CTBS: variants seen among roughly 807,000 people sequenced by gnomAD.
The protein encoded by CTBS is chitobiase.
Under a neutral mutation model 44.3 loss-of-function variants are expected in CTBS, and 35 were observed. The observed-to-expected ratio is 0.79, with a 90% CI of 0.60 to 1.05. The LOEUF (loss-of-function observed/expected upper bound fraction) is 1.05, where lower values mean the gene tolerates loss of function less well. CTBS is among the 50% of genes least tolerant of loss of function. CTBS has a pLI of 0.00. For missense variants in CTBS, 458 were observed against 475.3 expected, an observed-to-expected ratio of 0.96 and a Z score of 0.34; for synonymous variants, 143 against 168.0, an observed-to-expected ratio of 0.85 and a Z score of 1.15.
intron 6 of CTBS, among the ~76,000 whole-genome samples, chr1:84,561,636 C>T (rs768217690): frequency 6.6e-5 from 10 of 152,102 alleles, no homozygotes; most frequent in East Asian, 1.9e-4. Context: ...AGTCAATTGA[C>T]GTGGCAAACT....
intron 6 of CTBS, among the ~76,000 whole-genome samples, chr1:84,560,041 G>A (rs1407716118): frequency 3.5e-5 from 5 of 143,138 alleles, no homozygotes; most frequent in African/African-American, 8.0e-5. Context: ...CCCAGAGGGC[G>A]CCACTGCACT....
intron 1 of CTBS, 179 bp downstream of exon 1, chr1:84,574,060 C>T: frequency 2.1e-6 from 3 of 1,442,732 alleles, no homozygotes; most frequent in Non-Finnish European, 2.7e-6. Flanking sequence ...AGTTACTCAA[C>T]TTCTCTGAGC....
chr1:84,550,376 TTAAAAA>T lies in CTBS; in HGVS notation c.*4617_*4622del, dbSNP rs1684233957. On this transcript the variant is annotated 3_prime_UTR_variant, in exon 7 of 7. Coordinates refer to ENST00000370630, the MANE Select transcript of CTBS (RefSeq NM_004388.3). ...TTCATAGTTTATGTTCACAAGGCAG[TTAAAAA>T]TAAAAATGTTTATATGTTATACTAA... 9.3e-6 allele frequency: 8 copies of T among 857,206 alleles called. No individual in the cohort carries two copies. Among genetic ancestry groups the T allele is most frequent in the Non-Finnish European group, 1.3e-5 (8 of 599,094 alleles). 53.1% of individuals were successfully genotyped at this position (857,206 alleles called of 1,614,324 possible). A position where few individuals can be genotyped will look rare whatever the true frequency, so the allele number is the denominator to read the frequency against.
intron 6 of CTBS, among the ~76,000 whole-genome samples, chr1:84,559,993 A>G (rs1684555703): frequency 6.6e-6 from 1 of 150,730 alleles, no homozygotes; most frequent in South Asian, 2.1e-4. Context: ...GCTGAGGAGT[A>G]GAATTGCTTG....
intron 2 of CTBS, 114 bp from the exon 3 acceptor site, chr1:84,570,253 G>A (rs1647265782): frequency 1.2e-6 from 1 of 807,922 alleles, no homozygotes; most frequent in East Asian, 2.7e-5. Flanking sequence ...CAAAGTAACA[G>A]AAAGCCATTA....
intron 6 of CTBS, among the ~76,000 whole-genome samples, chr1:84,557,533 CAAAAAAAAAAAAAA>C (rs56101174): frequency 1.8e-5 from 1 of 55,438 alleles, no homozygotes; most frequent in East Asian, 6.9e-4. Context: ...AACTCCATCT[CAAAAAAAAAAAAAA>C]AAAAAAGAAA....
Position 84,565,957 on chromosome 1 carries a change from TA to T in CTBS, c.580del (p.Tyr194IlefsTer13). The T allele has an allele frequency of 6.3e-7, 1 of 1,596,738 alleles. No homozygotes were observed. The highest frequency in any genetic ancestry group is 8.5e-7 in the Non-Finnish European group (1 of 1,172,382). On this transcript the variant is annotated frameshift_variant, in exon 4 of 7. Coordinates refer to ENST00000370630, the MANE Select transcript of CTBS (RefSeq NM_004388.3). LOFTEE classifies it high-confidence loss of function. ...GTCACAAGCATCTGCGATTCCAGTA[TA>T]ATTATAGCATCTTCTGTCTATGTTC... ...PKNIDRRCYN[Y>X]TGIADACDFL... is the part of the protein sequence containing the mutation.
intron 1 of CTBS, 148 bp downstream of exon 1, chr1:84,574,076 CTTCCTCATCTATAAA>C: frequency 6.9e-7 from 1 of 1,449,508 alleles, no homozygotes; most frequent in Middle Eastern, 1.8e-4. Flanking sequence ...TGAGCCCGAG[CTTCCTCATCTATAAA>C]TTGAAGGATC....
Position 84,550,499 on chromosome 1 carries a change from C to A in CTBS, c.*4500G>T. 6.4e-7 allele frequency: 1 copy of A among 1,558,852 alleles called. No homozygotes were observed. The highest frequency in any genetic ancestry group is 8.7e-7 in the Non-Finnish European group (1 of 1,150,758). Reference sequence around the variant, plus strand: ...GACCAGCTTAAGAGAAAACTAGATACTGACAAAATGAAACTCATAGTAGAA... The same window carrying A: ...GACCAGCTTAAGAGAAAACTAGATAATGACAAAATGAAACTCATAGTAGAA... On this transcript the variant is annotated 3_prime_UTR_variant, in exon 7 of 7. Transcript: ENST00000370630.
rs1684255707 is a variant in CTBS at position 84,551,043 on chromosome 1, A to G, written c.*3956T>C. The G allele has an allele frequency of 4.1e-6, 4 of 985,320 alleles. No individual in the cohort carries two copies. In the South Asian group the frequency reaches 1.9e-4, roughly 46 times the overall value. The allele number at this position is 985,320 out of a possible 1,614,324, so 61.0% of individuals were successfully genotyped here. ...TTGTTTCTCCCATGGGACCTTTTGT[A>G]TAGCAGATGCTTAGTAGAGGCTTCT... On this transcript the variant is annotated 3_prime_UTR_variant, in exon 7 of 7. Transcript: ENST00000370630.
rs1462708726 is a variant in CTBS, at chr1:84,550,355, T to C, written c.*4644A>G. ...TACTCTTTTGATCTTTATCATTTCA[T>C]AGTTTATGTTCACAAGGCAGTTAAA... On this transcript the variant is annotated 3_prime_UTR_variant, in exon 7 of 7. Coordinates refer to ENST00000370630, the MANE Select transcript of CTBS (RefSeq NM_004388.3). 8.0e-6 allele frequency: 5 copies of C among 621,614 alleles called. No individual in the cohort carries two copies. The highest frequency in any genetic ancestry group is 1.9e-5 in the African/African-American group (1 of 51,716). 38.5% of individuals were successfully genotyped at this position (621,614 alleles called of 1,614,324 possible). A position where few individuals can be genotyped will look rare whatever the true frequency, so the allele number is the denominator to read the frequency against.
chr1:84,570,495 AAG>A, intron 2 of CTBS, 85 bp downstream of exon 2: 1 of 1,155,690 alleles, frequency 8.7e-7, no homozygotes, highest in Non-Finnish European at 1.2e-6. Flanking sequence ...ATAAACATAA[AAG>A]GACTTTTTTG....
chr1:84,570,711 A>G lies in CTBS; in HGVS notation c.187T>C (p.Phe63Leu). Residue 63 changes from phenylalanine to leucine, a missense_variant, in exon 2 of 7, where the codon TTT becomes CTT. Coordinates refer to ENST00000370630, the MANE Select transcript of CTBS (RefSeq NM_004388.3). ...TTCCAAGTTTTCTGTCCAACATCAA[A>G]CACAAAGACCTGCCAGAACAAAGAT... ...RHHPDFEVFV[F>L]DVGQKTWKSY... is the part of the protein sequence containing the mutation. The G allele has an allele frequency of 6.2e-7, 1 of 1,612,996 alleles. No homozygotes were observed. The highest frequency in any genetic ancestry group is 8.5e-7 in the Non-Finnish European group (1 of 1,179,562).
chr1:84,569,964 T>C lies in CTBS; in HGVS notation c.492A>G (p.Thr164=). The C allele has an allele frequency of 1.2e-6, 2 of 1,611,776 alleles. No homozygotes were observed. ...DALTALVKET[T]DSFHREIEGS... ...CCTCAATTTCACGATGGAAAGAGTC[T>C]GTAGTTTCTTTGACTAAAGCAGTTA... The change falls in exon 3 of 7, where the codon ACA becomes ACG. Residue 164 remains threonine (T), a synonymous_variant. Transcript: ENST00000370630.
rs776020910 is a variant in CTBS at position 84,563,416 on chromosome 1, A to T, written c.798T>A (p.Asp266Glu). ...GGACTTTTGCAATGGTACAAACATG[A>T]TCCTAGAAATGCAAAAGTGCTCATG... ...YDYTCLNLSE[D>E]HVCTIAKVPF... The change falls in exon 6 of 7, where the codon GAT (aspartate) becomes GAA (glutamate). Residue 266 changes from aspartate (D) to glutamate (E), a missense_variant and splice_region_variant. Coordinates refer to ENST00000370630, the MANE Select transcript of CTBS (RefSeq NM_004388.3). 7 of 1,500,580 alleles carry T rather than the reference A, an allele frequency of 4.7e-6. No homozygotes were observed. In the South Asian group the frequency reaches 9.8e-5, roughly 21 times the overall value. The allele number at this position is 1,500,580 out of a possible 1,614,324, so 93.0% of individuals were successfully genotyped here. A position where few individuals can be genotyped will look rare whatever the true frequency, so the allele number is the denominator to read the frequency against.
At chr1:84,570,755 C>A in intron 1 of CTBS, 35 bp from the exon 2 acceptor site, 1 of 1,602,522 alleles carries the variant, frequency 6.2e-7, no homozygotes, top group Non-Finnish European at 8.5e-7. Flanking sequence ...TCATTTAAAC[C>A]AAGAATATTA....
chr1:84,560,733 T>G (rs893261444), intron 6 of CTBS, among the ~76,000 whole-genome samples: 2 of 152,208 alleles, frequency 1.3e-5, no homozygotes, highest in Non-Finnish European at 2.9e-5. Context: ...GAAGCCAGTG[T>G]TCATTTACCA....
At chr1:84,567,085 A>G (rs908906847) in intron 3 of CTBS, among the ~76,000 whole-genome samples, 12 of 152,216 alleles carry the variant, frequency 7.9e-5, no homozygotes, top group African/African-American at 2.9e-4. Context: ...TAGGCACTCA[A>G]TAAACACTGA....
Position 84,573,964 on chromosome 1 carries a change from G to T in CTBS, c.177+275C>A. On this transcript the variant is annotated intron_variant, in intron 1 of 6. Transcript: ENST00000370630. Reference sequence around the variant, plus strand: ...GTGCTTCCGCAGAGGCACAGCAGGGGAATGAAAGGAGCTTGCCTTAGGAGG... The same window carrying T: ...GTGCTTCCGCAGAGGCACAGCAGGGTAATGAAAGGAGCTTGCCTTAGGAGG... 3.7e-6 allele frequency: 5 copies of T among 1,345,948 alleles called. No homozygotes were observed. In the South Asian group the frequency reaches 9.4e-5, roughly 25 times the overall value. 83.4% of individuals were successfully genotyped at this position (1,345,948 alleles called of 1,614,324 possible). A position where few individuals can be genotyped will look rare whatever the true frequency, so the allele number is the denominator to read the frequency against.
Sources: allele counts gnomAD v4.1 joint callset (sites outside exome capture counted in the v4.1 genomes callset), GRCh38; gene constraint gnomAD v4.1.1; transcripts MANE v1.5; gene names NCBI Gene and HGNC (gene_info 2026-07-23, HGNC 2026-07-21).